The following IMMP2L variants were observed in gnomAD, a reference collection of about 807,000 sequenced individuals.
IMMP2L encodes the protein mitochondrial inner membrane protease subunit 2.
Under a neutral mutation model 19.3 loss-of-function variants are expected in IMMP2L, and 18 were observed. That is an observed-to-expected ratio of 0.93 (90% confidence interval 0.64 to 1.38). The LOEUF is 1.38. Among genes scored for constraint, IMMP2L ranks in the 40% most tolerant of loss-of-function variants. The pLI, the probability that IMMP2L is intolerant of heterozygous loss-of-function variation, is 0.00. For missense variants in IMMP2L, 233 were observed against 218.2 expected, an observed-to-expected ratio of 1.07 and a Z score of -0.43; for synonymous variants, 76 against 73.0, an observed-to-expected ratio of 1.04 and a Z score of -0.21.
intron 5 of IMMP2L, among the ~76,000 whole-genome samples, chr7:110,762,336 T>C (rs1225544498): frequency 1.3e-5 from 2 of 152,126 alleles, no homozygotes; most frequent in African/African-American, 4.8e-5. Context: ...ATTTCTAAAA[T>C]TGTGGGTCCA....
chr7:111,467,766 A>G (rs1260402408), intron 3 of IMMP2L, among the ~76,000 whole-genome samples: 2 of 152,176 alleles, frequency 1.3e-5, no homozygotes, highest in Non-Finnish European at 1.5e-5. Context: ...AAGTATTTAA[A>G]CAAACACTCC....
chr7:111,074,853 T>A (rs1409993734), intron 3 of IMMP2L, among the ~76,000 whole-genome samples: 1 of 152,104 alleles, frequency 6.6e-6, no homozygotes, highest in Non-Finnish European at 1.5e-5. Context: ...AAAACAGAAA[T>A]GCGGAAAATA....
At position 110,836,520 on chromosome 7, in the gene IMMP2L, C is replaced by T. The variant is rs190536895; in HGVS notation, c.408+50073G>A. On this transcript the variant is annotated intron_variant, in intron 5 of 5. Coordinates refer to ENST00000405709, the MANE Select transcript of IMMP2L (RefSeq NM_032549.4). ...TTCTCTTGCCTGCTGCCATGTGAGA[C>T]GTGCCTTTCACCTTCCATCATGATT... 7.9e-5 allele frequency among the ~76,000 whole-genome samples: 12 copies of T among 152,180 alleles called. No homozygotes were observed. In the East Asian group the frequency reaches 1.4e-3, roughly 17 times the overall value.
chr7:111,469,727 C>T (rs371789781), intron 3 of IMMP2L, among the ~76,000 whole-genome samples: 32 of 152,088 alleles, frequency 2.1e-4, no homozygotes, highest in Middle Eastern at 3.2e-3. Flanking sequence ...ATTAATTCAA[C>T]ATGGATTAAA....
At chr7:111,402,649 G>A (rs1414057175) in intron 3 of IMMP2L, among the ~76,000 whole-genome samples, 1 of 151,978 alleles carries the variant, frequency 6.6e-6, no homozygotes, top group African/African-American at 2.4e-5. Flanking sequence ...GGAGGCAGAG[G>A]TTACAGTGAG....
At chr7:111,444,532 C>A (rs1409891281) in intron 3 of IMMP2L, among the ~76,000 whole-genome samples, 2 of 152,126 alleles carry the variant, frequency 1.3e-5, no homozygotes, top group Admixed American at 1.3e-4. Context: ...CAGCGTCTAG[C>A]ATTGTTAAGT....
At chr7:111,219,102 T>C (rs530240721) in intron 3 of IMMP2L, among the ~76,000 whole-genome samples, 4 of 152,132 alleles carry the variant, frequency 2.6e-5, no homozygotes, top group African/African-American at 7.2e-5. Context: ...AAATCAACTA[T>C]TGATGTATGT....
At chr7:110,817,024 T>G (rs975830838) in intron 5 of IMMP2L, among the ~76,000 whole-genome samples, 26 of 152,180 alleles carry the variant, frequency 1.7e-4, no homozygotes, top group Non-Finnish European at 2.9e-4. Context: ...GTTAGCTGGT[T>G]ATTTTGCTCA....
chr7:111,101,031 ACTC>A (rs1797916072), intron 3 of IMMP2L, among the ~76,000 whole-genome samples: 1 of 151,238 alleles, frequency 6.6e-6, no homozygotes, highest in Admixed American at 6.6e-5. Flanking sequence ...CAGAATGGTA[ACTC>A]CTCCTCCTTG....
intron 5 of IMMP2L, among the ~76,000 whole-genome samples, chr7:110,716,121 TC>T (rs1313278210): frequency 6.6e-6 from 1 of 151,654 alleles, no homozygotes; most frequent in East Asian, 2.0e-4. Context: ...ACAGATCTTT[TC>T]CCAACCCCCA....
chr7:111,190,366 C>T (rs1260055041), intron 3 of IMMP2L, among the ~76,000 whole-genome samples: 1 of 152,038 alleles, frequency 6.6e-6, no homozygotes, highest in Non-Finnish European at 1.5e-5. Flanking sequence ...GCATTACCAA[C>T]ATGCTAAATG....
At chr7:110,847,285 A>G (rs1160766807) in intron 5 of IMMP2L, among the ~76,000 whole-genome samples, 1 of 152,196 alleles carries the variant, frequency 6.6e-6, no homozygotes, top group Non-Finnish European at 1.5e-5. Context: ...GATGTACAAC[A>G]TGGATAAGGA....
chr7:110,722,597 T>G (rs554581526), intron 5 of IMMP2L, among the ~76,000 whole-genome samples: 1 of 152,298 alleles, frequency 6.6e-6, no homozygotes, highest in East Asian at 1.9e-4. Context: ...TATTTCCTTT[T>G]TAGCAAATAG....
rs1464073813 is a variant in IMMP2L, at chr7:111,519,971, G to A, written c.135+1342C>T. 6.6e-5 allele frequency among the ~76,000 whole-genome samples: 10 copies of A among 152,202 alleles called. No homozygotes were observed. In the East Asian group the frequency reaches 1.9e-3, roughly 29 times the overall value. Reference sequence around the variant, plus strand: ...TTGGGACCAAAAAGGAATGTGGGTGGCTGTGAAGAAGGCAGTTTTAATCTG... The same window carrying A: ...TTGGGACCAAAAAGGAATGTGGGTGACTGTGAAGAAGGCAGTTTTAATCTG... On this transcript the variant is annotated intron_variant, in intron 2 of 5. Transcript: ENST00000405709.
At chr7:111,132,484 T>G (rs958195849) in intron 3 of IMMP2L, among the ~76,000 whole-genome samples, 5 of 151,998 alleles carry the variant, frequency 3.3e-5, no homozygotes, top group African/African-American at 1.2e-4. Context: ...CTTCAACATT[T>G]TCATCCTTGT....
intron 3 of IMMP2L, among the ~76,000 whole-genome samples, chr7:110,990,989 CT>C (rs2129559558): frequency 6.6e-6 from 1 of 152,196 alleles, no homozygotes; most frequent in African/African-American, 2.4e-5. Context: ...GAAAACTTTT[CT>C]AATTTTCATG....
chr7:111,323,680 A>ACT (rs1261459389), intron 3 of IMMP2L, among the ~76,000 whole-genome samples: 1 of 152,144 alleles, frequency 6.6e-6, no homozygotes, highest in Non-Finnish European at 1.5e-5. Flanking sequence ...TTCTATAAAG[A>ACT]CACATCCACG....
At chr7:111,313,894 G>T (rs568740308) in intron 3 of IMMP2L, among the ~76,000 whole-genome samples, 3 of 152,222 alleles carry the variant, frequency 2.0e-5, no homozygotes, top group South Asian at 4.1e-4. Flanking sequence ...GATCCCAGGG[G>T]TGTATGTTTA....
intron 4 of IMMP2L, among the ~76,000 whole-genome samples, chr7:110,889,898 A>C (rs1810617291): frequency 6.6e-6 from 1 of 152,220 alleles, no homozygotes; most frequent in Non-Finnish European, 1.5e-5. Context: ...AACACTTGAT[A>C]AGTGGATTCT....
Sources: allele counts gnomAD v4.1 joint callset (sites outside exome capture counted in the v4.1 genomes callset), GRCh38; gene constraint gnomAD v4.1.1; transcripts MANE v1.5; gene names NCBI Gene and HGNC (gene_info 2026-07-23, HGNC 2026-07-21).